ERICH3: variants seen among roughly 807,000 people sequenced by gnomAD.
ERICH3 encodes glutamate-rich protein 3.
Under a neutral mutation model 131.1 loss-of-function variants are expected in ERICH3, and 126 were observed. The observed-to-expected ratio is 0.96, with a 90% confidence interval of 0.83 to 1.11. The LOEUF is 1.11. Among genes scored for constraint, ERICH3 ranks in the 50% most tolerant of loss-of-function variants. The pLI, the probability that ERICH3 is intolerant of heterozygous loss-of-function variation, is 0.00. For missense variants in ERICH3, 2,050 were observed against 1,810.7 expected, an observed-to-expected ratio of 1.13 and a Z score of -2.40; for synonymous variants, 695 against 644.6, an observed-to-expected ratio of 1.08 and a Z score of -1.18.
chr1:74,571,678 G>A lies in ERICH3; in HGVS notation c.4032C>T (p.His1344=), dbSNP rs769663789. 9.9e-6 allele frequency: 16 copies of A among 1,613,998 alleles called. No individual in the cohort carries two copies. The highest frequency in any genetic ancestry group is 5.0e-5 in the Admixed American group (3 of 60,012). The change falls in exon 14 of 15, where the codon CAC becomes CAT. Residue 1344 remains histidine (H), a synonymous_variant. Transcript: ENST00000326665. ...GGRVVAVEVL[H]GGGETAETAA... is the part of the protein sequence containing the mutation. ...CTGTTTCTGCCGTTTCACCACCTCC[G>A]TGTAGAACTTCCACAGCCACAACCC...
At position 74,646,838 on chromosome 1, in the gene ERICH3, T is replaced by C. The variant is rs201013394; in HGVS notation, c.118-46A>G. 329 of 1,208,950 alleles carry C rather than the reference T, an allele frequency of 2.7e-4. 4 individuals are homozygous for C. In the East Asian group the frequency reaches 8.6e-3, roughly 32 times the overall value. 74.9% of individuals were successfully genotyped at this position (1,208,950 alleles called of 1,614,324 possible). On this transcript the variant is annotated intron_variant, in intron 2 of 14. Transcript: ENST00000326665. Reference sequence around the variant, plus strand: ...ATACATAGAAATATAAAATAGAAAATGTGGTGTTAGTTTCCAAAAAAGGGA... The same window carrying C: ...ATACATAGAAATATAAAATAGAAAACGTGGTGTTAGTTTCCAAAAAAGGGA...
chr1:74,645,815 A>G (rs1557698074), intron 3 of ERICH3, among the ~76,000 whole-genome samples: 1 of 152,102 alleles, frequency 6.6e-6, no homozygotes, highest in Non-Finnish European at 1.5e-5. Flanking sequence ...CATCTACCTA[A>G]TGTAGCATAA....
Position 74,636,322 on chromosome 1 carries a change from T to A in ERICH3, c.561A>T (p.Ser187=). ...TVPKVTSRSR[S]KTSLLENEAL... is the part of the protein sequence containing the mutation. ...CTTCATTTTCCAGCAATGAGGTTTTTGATCTGGACCTTGAAGTTACCTTTG... is the reference window on the plus strand; with the variant it reads ...CTTCATTTTCCAGCAATGAGGTTTTAGATCTGGACCTTGAAGTTACCTTTG... Residue 187 remains serine (S), a synonymous_variant, in exon 6 of 15, where the codon TCA becomes TCT. Transcript: ENST00000326665. 8.1e-6 allele frequency: 13 copies of A among 1,610,690 alleles called. No homozygotes were observed. Among genetic ancestry groups the A allele is most frequent in the Non-Finnish European group, 1.0e-5 (12 of 1,177,922 alleles).
At chr1:74,608,497 G>A (rs145979322) in intron 9 of ERICH3, among the ~76,000 whole-genome samples, 1,631 of 152,022 alleles carry the variant, frequency 0.011, 27 homozygotes, top group African/African-American at 0.038. Flanking sequence ...CAAATCCAAT[G>A]GCAATTACTT....
At chr1:74,599,995 CTCTA>C in intron 10 of ERICH3, 64 bp from the exon 11 acceptor site, 2 of 1,190,994 alleles carry the variant, frequency 1.7e-6, no homozygotes, top group Non-Finnish European at 2.4e-6. Flanking sequence ...ACCTATTTCT[CTCTA>C]ATGAGAACTT....
At position 74,618,104 on chromosome 1, in the gene ERICH3, A is replaced by G. The variant is rs562322346; in HGVS notation, c.1000+2630T>C. ...CTTTACCCTAGGAGTTCAAGGCTAT[A>G]GTGACTATGATTGTGGCACTGCACT... On this transcript the variant is annotated intron_variant, in intron 8 of 14. Coordinates refer to ENST00000326665, the MANE Select transcript of ERICH3 (RefSeq NM_001002912.5). 3.2e-4 allele frequency among the ~76,000 whole-genome samples: 48 copies of G among 152,298 alleles called. 1 individual carries two copies. Among genetic ancestry groups the G allele is most frequent in the Non-Finnish European group, 5.9e-5 (4 of 68,018 alleles).
intron 1 of ERICH3, among the ~76,000 whole-genome samples, chr1:74,662,991 A>C (rs1646657104): frequency 6.6e-6 from 1 of 152,210 alleles, no homozygotes; most frequent in African/African-American, 2.4e-5. Flanking sequence ...TCTCTAAAAA[A>C]ATTAAAAATG....
chr1:74,660,758 TA>T (rs1646634460), intron 1 of ERICH3, among the ~76,000 whole-genome samples: 1 of 151,390 alleles, frequency 6.6e-6, no homozygotes, highest in African/African-American at 2.4e-5. Flanking sequence ...AATTTTCAGT[TA>T]CTTTCTAGTC....
At chr1:74,600,715 C>T (rs1450346506) in intron 10 of ERICH3, among the ~76,000 whole-genome samples, 1 of 151,846 alleles carries the variant, frequency 6.6e-6, no homozygotes, top group Non-Finnish European at 1.5e-5. Flanking sequence ...TCATATTTAA[C>T]TGTTCCCCTT....
chr1:74,673,242 T>C (rs1646758364), intron 1 of ERICH3, among the ~76,000 whole-genome samples: 1 of 152,164 alleles, frequency 6.6e-6, no homozygotes, highest in African/African-American at 2.4e-5. Flanking sequence ...ACTTCCATTT[T>C]TTAATCCTTC....
intron 11 of ERICH3, among the ~76,000 whole-genome samples, chr1:74,597,679 G>A (rs1217847886): frequency 1.3e-5 from 2 of 151,856 alleles, no homozygotes; most frequent in African/African-American, 2.4e-5. Context: ...TCAAGTAGTT[G>A]CTTAATATTT....
chr1:74,574,916 T>G, intron 13 of ERICH3, among the ~76,000 whole-genome samples: 1 of 152,228 alleles, frequency 6.6e-6, no homozygotes, highest in South Asian at 2.1e-4. Context: ...ATTTAATCTT[T>G]TTTATTAATT....
rs79247991 is a variant in ERICH3, at chr1:74,610,573, G to A, written c.1187+2050C>T. Among the ~76,000 whole-genome samples the A allele has an allele frequency of 5.5e-3, 836 of 150,752 alleles. 4 individuals carry two copies. Among genetic ancestry groups the A allele is most frequent in the African/African-American group, 0.019 (797 of 41,010 alleles). ...TTCTTATTCTCTAAAGTATTCAATC[G>A]TTTGTATTAGCATATAAACATATTA... On this transcript the variant is annotated intron_variant, in intron 9 of 14. Transcript: ENST00000326665.
chr1:74,651,915 C>T (rs553067135), intron 1 of ERICH3, among the ~76,000 whole-genome samples: 1 of 152,126 alleles, frequency 6.6e-6, no homozygotes, highest in African/African-American at 2.4e-5. Flanking sequence ...TTTAATTCTG[C>T]TCTCTCGGGC....
intron 9 of ERICH3, among the ~76,000 whole-genome samples, chr1:74,607,654 T>A (rs1315750276): frequency 6.6e-6 from 1 of 151,954 alleles, no homozygotes; most frequent in Non-Finnish European, 1.5e-5. Flanking sequence ...ATGGCAGTAA[T>A]TTATAGAGGT....
chr1:74,660,055 T>A (rs930447250), intron 1 of ERICH3, among the ~76,000 whole-genome samples: 1 of 152,130 alleles, frequency 6.6e-6, no homozygotes, highest in Non-Finnish European at 1.5e-5. Flanking sequence ...CAATGGGAGA[T>A]AATTTAATCA....
intron 11 of ERICH3, among the ~76,000 whole-genome samples, chr1:74,593,533 T>C (rs1038109326): frequency 1.1e-4 from 17 of 152,150 alleles, no homozygotes; most frequent in Non-Finnish European, 1.5e-5. Flanking sequence ...TCAAATGAAA[T>C]AACTATTTCT....
chr1:74,623,043 C>T (rs938750115), intron 7 of ERICH3: 1 of 152,172 alleles, frequency 6.6e-6, no homozygotes, highest in African/African-American at 2.4e-5. Context: ...TGCCTCTATA[C>T]TTACCATCTT....
intron 7 of ERICH3, chr1:74,623,205 C>T (rs1210501173): frequency 6.6e-6 from 1 of 152,254 alleles, no homozygotes. Flanking sequence ...AACTAAAGCT[C>T]TTCTTTCTGA....
Sources: allele counts gnomAD v4.1 joint callset (sites outside exome capture counted in the v4.1 genomes callset), GRCh38; gene constraint gnomAD v4.1.1; transcripts MANE v1.5; gene names NCBI Gene and HGNC (gene_info 2026-07-23, HGNC 2026-07-21).